The following RB1 variants were observed in gnomAD, a reference collection of about 807,000 sequenced individuals.
RB1 encodes the protein retinoblastoma-associated protein.
In RB1, 18 loss-of-function variants were observed where a neutral mutation model predicts 135.4. The ratio of observed to expected loss-of-function variants is 0.13; its 90% CI spans 0.09 to 0.20. The LOEUF (loss-of-function observed/expected upper bound fraction) is 0.20, where lower values mean the gene tolerates loss of function less well. RB1 is among the 10% of genes least tolerant of loss of function. The probability of loss-of-function intolerance (pLI) is 1.00; values close to 1 mark genes in which losing one functional copy is unlikely to be tolerated. For missense variants in RB1, 868 were observed against 1,110.0 expected, an observed-to-expected ratio of 0.78 and a Z score of 3.10; for synonymous variants, 365 against 373.2, an observed-to-expected ratio of 0.98 and a Z score of 0.25.
At chr13:48,402,181 T>A (rs770728457) in intron 17 of RB1, among the ~76,000 whole-genome samples, 1 of 152,032 alleles carries the variant, frequency 6.6e-6, no homozygotes, top group Non-Finnish European at 1.5e-5. Context: ...GAAAATATAA[T>A]TTTTTTGCAT....
chr13:48,322,762 C>T (rs1430886111), intron 2 of RB1, among the ~76,000 whole-genome samples: 2 of 152,082 alleles, frequency 1.3e-5, no homozygotes, highest in African/African-American at 4.8e-5. Flanking sequence ...GATTTTTCTG[C>T]TTCTATTGAT....
chr13:48,478,951 G>A (rs897991916), intron 26 of RB1, among the ~76,000 whole-genome samples: 3 of 152,166 alleles, frequency 2.0e-5, no homozygotes, highest in Non-Finnish European at 2.9e-5. Context: ...CCCCGGGTAG[G>A]CATGATGGCT....
chr13:48,477,912 T>G (rs1949513865), intron 26 of RB1, among the ~76,000 whole-genome samples: 1 of 152,214 alleles, frequency 6.6e-6, no homozygotes, highest in South Asian at 2.1e-4. Flanking sequence ...ATTTTCCAAG[T>G]TATACAGAGT....
chr13:48,377,825 A>C (rs1365766821), intron 13 of RB1, among the ~76,000 whole-genome samples: 1 of 152,176 alleles, frequency 6.6e-6, no homozygotes, highest in Non-Finnish European at 1.5e-5. Flanking sequence ...AGCCGATTGT[A>C]CATCTAAGCT....
intron 19 of RB1, among the ~76,000 whole-genome samples, chr13:48,459,103 A>T (rs1949379680): frequency 6.6e-6 from 1 of 152,178 alleles, no homozygotes; most frequent in African/African-American, 2.4e-5. Flanking sequence ...ACAGTGTCTT[A>T]TGACCTTTCC....
intron 2 of RB1, chr13:48,317,038 C>T (rs747313800): frequency 1.5e-6 from 1 of 655,226 alleles, no homozygotes; most frequent in Non-Finnish European, 2.4e-6. Context: ...TTCCTCCTGT[C>T]GGGCAAACTC....
intron 3 of RB1, among the ~76,000 whole-genome samples, chr13:48,343,327 A>G (rs1350985491): frequency 2.6e-5 from 4 of 152,202 alleles, no homozygotes; most frequent in African/African-American, 9.6e-5. Flanking sequence ...CATATTTACA[A>G]AAATGCAACA....
At position 48,303,986 on chromosome 13, in the gene RB1, C is replaced by T. The variant is rs1593412158; in HGVS notation, c.74C>T (p.Pro25Leu). 22 of 1,499,126 alleles carry T rather than the reference C, an allele frequency of 1.5e-5. No homozygotes were observed. Among genetic ancestry groups the T allele is most frequent in the Non-Finnish European group, 1.9e-5 (22 of 1,132,216 alleles). 92.9% of individuals were successfully genotyped at this position (1,499,126 alleles called of 1,614,324 possible). The change falls in exon 1 of 27, where the codon CCG becomes CTG. Residue 25 changes from proline to leucine, a missense_variant. This residue lies in a region of RB1 where 641 missense variants were observed against 791.3 expected (regional missense o/e 0.81). Coordinates refer to ENST00000267163, the MANE Select transcript of RB1 (RefSeq NM_000321.3). The stretch of plus-strand genomic sequence containing the variant: ...GCCGCGGAACCCCCGGCACCGCCGC[C>T]GCCGCCCCCTCCTGAGGAGGACCCA... Reference protein sequence around the residue: ...AAAAEPPAPPPPPPPEEDPEQ... With the variant: ...AAAAEPPAPPLPPPPEEDPEQ...
At chr13:48,349,156 T>G in intron 6 of RB1, 133 bp downstream of exon 6, 1 of 912,926 alleles carries the variant, frequency 1.1e-6, no homozygotes, top group Non-Finnish European at 1.5e-6. Flanking sequence ...TTATTAACTG[T>G]TAGCAAGTTC....
intron 2 of RB1, among the ~76,000 whole-genome samples, chr13:48,325,793 T>C (rs1952282712): frequency 6.6e-6 from 1 of 152,164 alleles, no homozygotes; most frequent in Non-Finnish European, 1.5e-5. Context: ...ACCGTTGCGG[T>C]GAATTATCCT....
At chr13:48,376,499 C>CA (rs751662834) in intron 12 of RB1, among the ~76,000 whole-genome samples, 4,940 of 65,168 alleles carry the variant, frequency 0.076, 171 homozygotes, top group Middle Eastern at 0.15. Flanking sequence ...CACTTCATCT[C>CA]AAAAAAAAAA....
In RB1 at chr13:48,453,450, C is replaced by G. The variant is rs4151579; in HGVS notation, c.1814+339C>G. 1.7e-3 allele frequency among the ~76,000 whole-genome samples: 261 copies of G among 152,190 alleles called. 2 individuals carry two copies. The highest frequency in any genetic ancestry group is 5.5e-3 in the African/African-American group (229 of 41,526). On this transcript the variant is annotated intron_variant, in intron 18 of 26. Transcript: ENST00000267163. ...CAGAATGGCATTAACTCAAAAATGT[C>G]AAAGGAAGCAGAAAACATTTTTCAG...
chr13:48,410,848 A>G (rs1948788554), intron 17 of RB1, among the ~76,000 whole-genome samples: 1 of 152,154 alleles, frequency 6.6e-6, no homozygotes, highest in African/African-American at 2.4e-5. Flanking sequence ...AACAATGTTA[A>G]TATGTCATCA....
intron 2 of RB1, among the ~76,000 whole-genome samples, chr13:48,338,291 T>C (rs55670167): frequency 0.021 from 3,160 of 152,350 alleles, 59 homozygotes; most frequent in Middle Eastern, 0.048. Flanking sequence ...CTTGGTTCCA[T>C]TCTCCCTGTC....
rs535499898 is a variant in RB1, at chr13:48,319,545, T to G, written c.264+12139T>G. ...GGCTGCTGGCTTCGGGCTGCCCTTG[T>G]TCTCCTGCTTGGTCGTGACCCTGGA... On this transcript the variant is annotated intron_variant, in intron 2 of 26. Transcript: ENST00000267163. The surrounding 1 kb of genome is among the most constrained non-coding windows in gnomAD (Gnocchi z 5.0). 3.8e-6 allele frequency: 1 copy of G among 262,628 alleles called. No individual in the cohort carries two copies. The highest frequency in any genetic ancestry group is 7.5e-6 in the Non-Finnish European group (1 of 132,812). The allele number at this position is 262,628 out of a possible 1,614,324, so 16.3% of individuals were successfully genotyped here.
chr13:48,304,765 T>TC (rs1952065761), intron 1 of RB1, among the ~76,000 whole-genome samples: 1 of 151,606 alleles, frequency 6.6e-6, no homozygotes, highest in African/African-American at 2.4e-5. Flanking sequence ...TTTCTAAACT[T>TC]TTTTTTTTCC....
intron 17 of RB1, among the ~76,000 whole-genome samples, chr13:48,396,052 G>A (rs180933027): frequency 6.3e-4 from 96 of 152,248 alleles, no homozygotes; most frequent in Non-Finnish European, 1.2e-3. Flanking sequence ...AAATTATAGC[G>A]TGAAAATGGC....
At chr13:48,323,640 T>C (rs1952260368) in intron 2 of RB1, among the ~76,000 whole-genome samples, 1 of 152,090 alleles carries the variant, frequency 6.6e-6, no homozygotes. Flanking sequence ...ATATATCTTA[T>C]ATATAATTGT....
chr13:48,353,142 A>G (rs150165680), intron 6 of RB1, among the ~76,000 whole-genome samples: 50 of 152,344 alleles, frequency 3.3e-4, no homozygotes, highest in African/African-American at 1.2e-3. Context: ...AAAAAATTGC[A>G]AAAGATCAAT....
Sources: gnomAD v4.1 joint callset for allele counts (sites outside exome capture counted in the v4.1 genomes callset) on GRCh38, gnomAD v4.1.1 for gene constraint, gnomAD v4.1.1 regional missense constraint, Gnocchi (gnomAD v3.1) non-coding constraint, MANE v1.5 for transcripts, NCBI Gene and HGNC (gene_info 2026-07-23, HGNC 2026-07-21) for gene names.